Variants in CTNNA3 observed in about 807,000 individuals in gnomAD.
The protein encoded by CTNNA3 is catenin alpha-3.
In CTNNA3, 76 loss-of-function variants were observed where a neutral mutation model predicts 95.7. That is an observed-to-expected ratio of 0.79 (90% CI 0.66 to 0.96). The LOEUF (loss-of-function observed/expected upper bound fraction) is 0.96, where lower values mean the gene tolerates loss of function less well. Among genes scored for constraint, CTNNA3 ranks in the 40% least tolerant of loss-of-function variants. The probability of loss-of-function intolerance (pLI) is 0.00; values close to 1 mark genes in which losing one functional copy is unlikely to be tolerated. For synonymous variants in CTNNA3, 431 were observed against 374.4 expected (o/e 1.15, Z -1.74); for missense variants, 1,191 against 1,089.8 (o/e 1.09, Z -1.31).
chr10:67,686,659 A>G (rs1010445045), intron 1 of CTNNA3, among the ~76,000 whole-genome samples: 6 of 152,134 alleles, frequency 3.9e-5, no homozygotes, highest in Non-Finnish European at 8.8e-5. Context: ...TGACACTAAG[A>G]CAGCCACCGC....
intron 15 of CTNNA3, among the ~76,000 whole-genome samples, chr10:66,021,977 C>T (rs528261772): frequency 3.1e-4 from 47 of 151,440 alleles, no homozygotes; most frequent in Non-Finnish European, 5.3e-4. Flanking sequence ...CCTCAGATCC[C>T]AAGGAGCTGG....
chr10:66,219,416 T>C (rs1160008241), intron 13 of CTNNA3, among the ~76,000 whole-genome samples: 1 of 152,152 alleles, frequency 6.6e-6, no homozygotes, highest in African/African-American at 2.4e-5. Context: ...ATGTGACCAA[T>C]AGAATATGAC....
At chr10:66,219,795 G>A (rs1161213852) in intron 13 of CTNNA3, among the ~76,000 whole-genome samples, 1 of 152,138 alleles carries the variant, frequency 6.6e-6, no homozygotes, top group Non-Finnish European at 1.5e-5. Flanking sequence ...AATTTGTTAT[G>A]CAGCAATAGG....
At chr10:67,656,887 C>A (rs1840039992) in intron 1 of CTNNA3, among the ~76,000 whole-genome samples, 1 of 152,122 alleles carries the variant, frequency 6.6e-6, no homozygotes, top group African/African-American at 2.4e-5. Flanking sequence ...ATCATAAGAA[C>A]TATTGCAGAT....
At chr10:66,437,679 C>A (rs113953664) in intron 11 of CTNNA3, among the ~76,000 whole-genome samples, 1,662 of 152,078 alleles carry the variant, frequency 0.011, 37 homozygotes, top group African/African-American at 0.038. Flanking sequence ...TTGTTATTAC[C>A]CACCTTCCGA....
chr10:66,927,572 A>G lies in CTNNA3; in HGVS notation c.1048-152048T>C. On this transcript the variant is annotated intron_variant, in intron 7 of 17. Coordinates refer to ENST00000433211, the MANE Select transcript of CTNNA3 (RefSeq NM_013266.4). This position sits in a 1 kb window ranked among gnomAD's most constrained non-coding sequence, Gnocchi z 4.7. ...CACCTGGAGCACAATCAATTTTCCA[A>G]GCTCAACCTGGCCCTTTTTCCAAGG... 6.2e-7 allele frequency: 1 copy of G among 1,614,172 alleles called. No homozygotes were observed. The highest frequency in any genetic ancestry group is 8.5e-7 in the Non-Finnish European group (1 of 1,180,038).
intron 13 of CTNNA3, among the ~76,000 whole-genome samples, chr10:66,278,664 T>C (rs2091441170): frequency 6.9e-6 from 1 of 145,958 alleles, no homozygotes; most frequent in African/African-American, 2.5e-5. Context: ...GGAGAAGCTA[T>C]AAGATGTTTT....
intron 11 of CTNNA3, among the ~76,000 whole-genome samples, chr10:66,409,328 T>G (rs147371084): frequency 1.1e-4 from 17 of 152,102 alleles, no homozygotes; most frequent in Non-Finnish European, 2.2e-4. Flanking sequence ...CTACTTAACA[T>G]GCCTTCTGAA....
chr10:66,774,437 T>G (rs1840214795), intron 8 of CTNNA3, among the ~76,000 whole-genome samples: 1 of 152,190 alleles, frequency 6.6e-6, no homozygotes, highest in Non-Finnish European at 1.5e-5. Context: ...CTTCTGACTC[T>G]TACATTCCAT....
chr10:67,222,504 G>T (rs1213719543), intron 5 of CTNNA3, among the ~76,000 whole-genome samples: 5 of 152,168 alleles, frequency 3.3e-5, no homozygotes, highest in Non-Finnish European at 7.3e-5. Flanking sequence ...TAGAGAAAAG[G>T]TGTAGAAAGA....
At chr10:66,243,609 A>G (rs771890393) in intron 13 of CTNNA3, among the ~76,000 whole-genome samples, 17 of 152,200 alleles carry the variant, frequency 1.1e-4, no homozygotes, top group Non-Finnish European at 2.4e-4. Context: ...GACCAAACCA[A>G]TGTACATCTT....
In CTNNA3 at chr10:66,107,860, T is replaced by C. The variant is rs533288697; in HGVS notation, c.1885-4611A>G. Among the ~76,000 whole-genome samples, 28 of 152,162 alleles carry C rather than the reference T, an allele frequency of 1.8e-4. No individual in the cohort carries two copies. The South Asian group carries it at 2.7e-3, about 15-fold the overall frequency. ...AAAAAGAAATAAAAAGTATTAAAAA[T>C]ACTGTGGAAAACAAGAGTCATGCTT... is the stretch of plus-strand genomic sequence containing the variant. On this transcript the variant is annotated intron_variant, in intron 13 of 17. Coordinates refer to ENST00000433211, the MANE Select transcript of CTNNA3 (RefSeq NM_013266.4).
chr10:66,887,808 G>A lies in CTNNA3; in HGVS notation c.1048-112284C>T, dbSNP rs551533705. Among the ~76,000 whole-genome samples the A allele has an allele frequency of 2.6e-5, 4 of 152,242 alleles. No individual in the cohort carries two copies. In the East Asian group the frequency reaches 7.7e-4, roughly 29 times the overall value. On this transcript the variant is annotated intron_variant, in intron 7 of 17. Transcript: ENST00000433211. ...AAAAGATCCTAGGAGGAAGGCCCAG[G>A]AAATGCAAATTCTCTGAGGTAGTGG...
chr10:66,729,226 G>T (rs1318912234), intron 9 of CTNNA3, among the ~76,000 whole-genome samples: 8 of 152,146 alleles, frequency 5.3e-5, no homozygotes, highest in African/African-American at 1.4e-4. Context: ...GATCATTAGA[G>T]AAATGCAAAT....
intron 7 of CTNNA3, among the ~76,000 whole-genome samples, chr10:67,158,129 G>C (rs925951868): frequency 3.3e-5 from 5 of 152,046 alleles, no homozygotes; most frequent in Admixed American, 3.3e-4. Flanking sequence ...TGGACAGGTA[G>C]TTGTGTTACT....
intron 3 of CTNNA3, among the ~76,000 whole-genome samples, chr10:67,590,791 TATACCA>T (rs1842766436): frequency 6.6e-6 from 1 of 152,100 alleles, no homozygotes; most frequent in Non-Finnish European, 1.5e-5. Flanking sequence ...TTGTTGGATT[TATACCA>T]ATATCTTTTC....
intron 13 of CTNNA3, among the ~76,000 whole-genome samples, chr10:66,251,463 C>G (rs1043757430): frequency 6.6e-6 from 1 of 152,072 alleles, no homozygotes; most frequent in African/African-American, 2.4e-5. Context: ...ATTGGAGTTA[C>G]ATTTTTATAA....
chr10:67,108,655 A>C (rs953673031), intron 7 of CTNNA3, among the ~76,000 whole-genome samples: 13 of 152,154 alleles, frequency 8.5e-5, no homozygotes, highest in Non-Finnish European at 1.5e-4. Flanking sequence ...CACAGAGTAA[A>C]TGCTACTTGA....
intron 11 of CTNNA3, among the ~76,000 whole-genome samples, chr10:66,486,345 C>T (rs960668693): frequency 7.9e-5 from 12 of 152,042 alleles, no homozygotes; most frequent in African/African-American, 2.9e-4. Context: ...ACTCACTGAA[C>T]TCAATAGCAA....
Sources: gnomAD v4.1 joint callset for allele counts (sites outside exome capture counted in the v4.1 genomes callset) on GRCh38, gnomAD v4.1.1 for gene constraint, Gnocchi (gnomAD v3.1) non-coding constraint, MANE v1.5 for transcripts, NCBI Gene and HGNC (gene_info 2026-07-23, HGNC 2026-07-21) for gene names.